Variants in MTHFS observed in about 807,000 individuals in gnomAD.
MTHFS encodes methenyltetrahydrofolate synthetase.
In MTHFS, 7 loss-of-function variants were observed where a neutral mutation model predicts 12.7. That is an observed-to-expected ratio of 0.55 (90% CI 0.31 to 1.03). MTHFS has a LOEUF of 1.03. Ranked by LOEUF, MTHFS falls within the 50% of genes least tolerant of loss-of-function variation. The probability of loss-of-function intolerance (pLI) is 0.05; values close to 1 mark genes in which losing one functional copy is unlikely to be tolerated. For missense variants in MTHFS, 252 were observed against 258.1 expected (o/e 0.98, Z 0.16); for synonymous variants, 100 against 97.1 (o/e 1.03, Z -0.18).
chr15:79,896,828 G>A, intron 1 of MTHFS, 44 bp downstream of exon 1: 1 of 1,537,592 alleles, frequency 6.5e-7, no homozygotes, highest in South Asian at 1.2e-5. Flanking sequence ...CCAGGCCTTC[G>A]GAGGGTCTGT....
At chr15:79,849,620 T>C (rs2033676776) in intron 2 of MTHFS, among the ~76,000 whole-genome samples, 1 of 152,252 alleles carries the variant, frequency 6.6e-6, no homozygotes. Flanking sequence ...TGCACAGTTC[T>C]GCATATGCCT....
rs112952632 is a variant in MTHFS at position 79,875,665 on chromosome 15, G to C, written c.379+13428C>G. Among the ~76,000 whole-genome samples the C allele has an allele frequency of 3.7e-3, 570 of 152,170 alleles. 7 individuals carry two copies. The highest frequency in any genetic ancestry group is 0.013 in the African/African-American group (553 of 41,492). On this transcript the variant is annotated intron_variant, in intron 2 of 2. Transcript: ENST00000258874. Reference sequence around the variant, plus strand: ...CATAAATCTTCATGACCTTGGATTAGGCAATGGTTTCTTAGCTATGATACC... The same window carrying C: ...CATAAATCTTCATGACCTTGGATTACGCAATGGTTTCTTAGCTATGATACC...
At chr15:79,890,381 C>T (rs1407265571) in intron 1 of MTHFS, among the ~76,000 whole-genome samples, 1 of 151,918 alleles carries the variant, frequency 6.6e-6, no homozygotes, top group African/African-American at 2.4e-5. Flanking sequence ...GTGCAAACCA[C>T]CATGTCCGGC....
At chr15:79,856,886 A>G (rs1404905494) in intron 2 of MTHFS, among the ~76,000 whole-genome samples, 1 of 152,150 alleles carries the variant, frequency 6.6e-6, no homozygotes, top group African/African-American at 2.4e-5. Context: ...AAAAAAGTCT[A>G]GCTTACTCTT....
upstream of MTHFS, chr15:79,897,278 G>C (rs2034600469): frequency 2.2e-6 from 1 of 446,454 alleles, no homozygotes; most frequent in Non-Finnish European, 3.9e-6. Flanking sequence ...ACCTCCCTGA[G>C]CCTGGGCCCT....
rs372686234 is a variant in MTHFS, at chr15:79,845,347, G to A, written c.475C>T (p.Arg159Cys). ...TTCACTTCCTGATGCTGCAAACAGCGCTTCAGATAGGCATCATAGTAGCCC... is the reference window on the plus strand; with the variant it reads ...TTCACTTCCTGATGCTGCAAACAGCACTTCAGATAGGCATCATAGTAGCCC... ...GKGYYDAYLK[R>C]CLQHQEVKPY... Residue 159 changes from arginine (R) to cysteine (C), a missense_variant, in exon 3 of 3, where the codon CGC (arginine) becomes TGC (cysteine). Arg to Cys is a radical substitution (Grantham distance 180). Coordinates refer to ENST00000258874, the MANE Select transcript of MTHFS (RefSeq NM_006441.4). 4.4e-5 allele frequency: 71 copies of A among 1,614,132 alleles called. No homozygotes were observed. The highest frequency in any genetic ancestry group is 2.5e-4 in the Admixed American group (15 of 60,006).
At chr15:79,872,735 G>T (rs1006309120) in intron 2 of MTHFS, among the ~76,000 whole-genome samples, 1 of 152,170 alleles carries the variant, frequency 6.6e-6, no homozygotes, top group Non-Finnish European at 1.5e-5. Flanking sequence ...TTTGTAAATC[G>T]TCATGGTGCT....
chr15:79,856,721 T>C (rs1034555816), intron 2 of MTHFS, among the ~76,000 whole-genome samples: 1 of 152,148 alleles, frequency 6.6e-6, no homozygotes, highest in Non-Finnish European at 1.5e-5. Flanking sequence ...ACTCCTGAAC[T>C]GTACCTTTAA....
intron 1 of MTHFS, among the ~76,000 whole-genome samples, chr15:79,895,639 C>G (rs1016125432): frequency 8.5e-5 from 13 of 152,312 alleles, no homozygotes; most frequent in African/African-American, 3.1e-4. Context: ...CTCATAATAG[C>G]TAAAATAATT....
In MTHFS at chr15:79,843,606, G is replaced by A. The variant is rs1200417695; in HGVS notation, c.*1604C>T. The A allele has an allele frequency of 6.6e-6, 1 of 152,042 alleles. No homozygotes were observed. Among genetic ancestry groups the A allele is most frequent in the Non-Finnish European group, 1.5e-5 (1 of 68,006 alleles). The allele number at this position is 152,042 out of a possible 1,614,324, so 9.4% of individuals were successfully genotyped here. ...CATCAAATTTATGCTACTATCCAAA[G>A]AATAATGGATGAGTATTTTGAATGA... is the stretch of plus-strand genomic sequence containing the variant. On this transcript the variant is annotated 3_prime_UTR_variant, in exon 3 of 3. Transcript: ENST00000258874.
intron 2 of MTHFS, among the ~76,000 whole-genome samples, chr15:79,883,658 A>G (rs1022330808): frequency 6.6e-6 from 1 of 151,942 alleles, no homozygotes; most frequent in Admixed American, 6.6e-5. Context: ...ATCTCTGACT[A>G]CAAGGCGAAC....
At chr15:79,856,906 G>A (rs1300084931) in intron 2 of MTHFS, among the ~76,000 whole-genome samples, 2 of 151,954 alleles carry the variant, frequency 1.3e-5, no homozygotes, top group African/African-American at 2.4e-5. Flanking sequence ...TAAAAGCAGT[G>A]AAGAACAATT....
intron 2 of MTHFS, among the ~76,000 whole-genome samples, chr15:79,874,561 C>CTA (rs763483756): frequency 2.6e-5 from 4 of 152,132 alleles, no homozygotes; most frequent in Non-Finnish European, 4.4e-5. Flanking sequence ...GCAAAAAGCC[C>CTA]TAGCCCTAGG....
chr15:79,880,128 G>A (rs1263746307), intron 2 of MTHFS, among the ~76,000 whole-genome samples: 1 of 151,684 alleles, frequency 6.6e-6, no homozygotes, highest in Non-Finnish European at 1.5e-5. Flanking sequence ...GGAGTGCAGT[G>A]GCATGATCTC....
chr15:79,854,648 A>T (rs2033769977), intron 2 of MTHFS, among the ~76,000 whole-genome samples: 1 of 152,236 alleles, frequency 6.6e-6, no homozygotes, highest in Non-Finnish European at 1.5e-5. Flanking sequence ...ATAAGAACAA[A>T]GCTATTTTCC....
chr15:79,891,425 ACT>A (rs1419395531), intron 1 of MTHFS, among the ~76,000 whole-genome samples: 1 of 152,234 alleles, frequency 6.6e-6, no homozygotes, highest in East Asian at 1.9e-4. Flanking sequence ...TCTCAGACAC[ACT>A]CAAGAAGATA....
At chr15:79,853,764 A>G (rs769256269) in intron 2 of MTHFS, among the ~76,000 whole-genome samples, 1 of 152,224 alleles carries the variant, frequency 6.6e-6, no homozygotes, top group African/African-American at 2.4e-5. Flanking sequence ...AGGAGCCGTG[A>G]TGGCTCACTG....
At chr15:79,886,126 T>C (rs181969225) in intron 2 of MTHFS, among the ~76,000 whole-genome samples, 51 of 152,348 alleles carry the variant, frequency 3.3e-4, no homozygotes, top group Non-Finnish European at 6.0e-4. Context: ...TAGGAACTTA[T>C]AATTGCAACT....
intron 2 of MTHFS, among the ~76,000 whole-genome samples, chr15:79,873,119 C>A (rs761357085): frequency 6.6e-6 from 1 of 152,154 alleles, no homozygotes; most frequent in African/African-American, 2.4e-5. Context: ...AGTCCCCATC[C>A]TTCTTTCTGT....
Sources: allele counts gnomAD v4.1 joint callset (sites outside exome capture counted in the v4.1 genomes callset), GRCh38; gene constraint gnomAD v4.1.1; transcripts MANE v1.5; gene names NCBI Gene and HGNC (gene_info 2026-07-23, HGNC 2026-07-21).